DIAPH2: variants seen among roughly 807,000 people sequenced by gnomAD.
DIAPH2 encodes protein diaphanous homolog 2.
Under a neutral mutation model 92.7 loss-of-function variants are expected in DIAPH2, and 35 were observed. The ratio of observed to expected loss-of-function variants is 0.38; its 90% CI spans 0.29 to 0.50. DIAPH2 has a LOEUF of 0.50. DIAPH2 is among the 20% of genes least tolerant of loss of function. The pLI, the probability that DIAPH2 is intolerant of heterozygous loss-of-function variation, is 0.94. For synonymous variants in DIAPH2, 301 were observed against 280.4 expected, an observed-to-expected ratio of 1.07 and a Z score of -0.73; for missense variants, 701 against 819.5, an observed-to-expected ratio of 0.86 and a Z score of 1.77.
chrX:97,598,033 G>A (rs773384302), intron 26 of DIAPH2, among the ~76,000 whole-genome samples: 18 of 111,288 alleles, frequency 1.6e-4, no homozygotes, highest in Admixed American at 1.5e-3. Context: ...GCTGACCACA[G>A]ACTACCGGGA....
intron 22 of DIAPH2, among the ~76,000 whole-genome samples, chrX:97,165,160 A>G (rs1026298481): frequency 7.2e-5 from 8 of 111,652 alleles, no homozygotes; most frequent in Non-Finnish European, 1.3e-4. Context: ...TAGACTTAAT[A>G]TGCTAGGAAA....
chrX:97,285,030 G>C lies in DIAPH2; in HGVS notation c.2844+37191G>C, dbSNP rs776774228. On this transcript the variant is annotated intron_variant, in intron 23 of 26. Coordinates refer to ENST00000324765, the MANE Select transcript of DIAPH2 (RefSeq NM_006729.5). ...GCAGAAGTCATTAACCTAGCTGCAA[G>C]ATTACTTCTTTATAAAACAATGAAA... Among the ~76,000 whole-genome samples the C allele has an allele frequency of 1.3e-4, 14 of 111,556 alleles. No homozygotes were observed. In the East Asian group the frequency reaches 3.7e-3, roughly 29 times the overall value.
chrX:96,843,484 A>G (rs750689513), intron 4 of DIAPH2, among the ~76,000 whole-genome samples: 7 of 111,421 alleles, frequency 6.3e-5, no homozygotes, highest in Admixed American at 1.9e-4. Context: ...GAATTATAGG[A>G]CCTTTTCTTG....
chrX:97,292,987 A>C (rs1345449902), intron 23 of DIAPH2, among the ~76,000 whole-genome samples: 1 of 111,002 alleles, frequency 9.0e-6, no homozygotes, highest in Non-Finnish European at 1.9e-5. Context: ...CAAGCTTATT[A>C]AAGCCAGAAT....
intron 22 of DIAPH2, among the ~76,000 whole-genome samples, chrX:97,169,354 G>C (rs1213331156): frequency 9.0e-6 from 1 of 111,623 alleles, no homozygotes; most frequent in African/African-American, 3.3e-5. Flanking sequence ...TTTACTTTGA[G>C]ATGGTAAGGC....
At chrX:96,898,238 C>A (rs1355689664) in intron 5 of DIAPH2, among the ~76,000 whole-genome samples, 1 of 99,351 alleles carries the variant, frequency 1.0e-5, no homozygotes, top group African/African-American at 3.6e-5. Context: ...TGGGTATATA[C>A]CCAGTAATGG....
intron 19 of DIAPH2, among the ~76,000 whole-genome samples, chrX:97,080,266 C>A (rs924472043): frequency 3.7e-5 from 4 of 107,115 alleles, no homozygotes; most frequent in African/African-American, 1.4e-4. Context: ...TCCCTTCCTC[C>A]TCTCCTCCCT....
chrX:96,976,032 C>T (rs1401238989), intron 17 of DIAPH2, among the ~76,000 whole-genome samples: 1 of 91,472 alleles, frequency 1.1e-5, no homozygotes, highest in African/African-American at 4.0e-5. Flanking sequence ...TCCCTTCCTT[C>T]CTTCTTTTCC....
intron 20 of DIAPH2, among the ~76,000 whole-genome samples, chrX:97,110,504 A>G (rs1226125296): frequency 8.9e-6 from 1 of 111,933 alleles, no homozygotes; most frequent in Non-Finnish European, 1.9e-5. Context: ...AGCTTGAAGT[A>G]CATAAAATTA....
intron 1 of DIAPH2, among the ~76,000 whole-genome samples, chrX:96,713,588 T>C (rs1489307698): frequency 8.9e-6 from 1 of 112,043 alleles, no homozygotes; most frequent in Non-Finnish European, 1.9e-5. Flanking sequence ...ACCATTATAG[T>C]AGAACATACA....
At chrX:96,932,596 C>A (rs2065626440) in intron 10 of DIAPH2, among the ~76,000 whole-genome samples, 1 of 110,277 alleles carries the variant, frequency 9.1e-6, no homozygotes, top group Non-Finnish European at 1.9e-5. Context: ...TTTGTGGTAC[C>A]ATGTGCTTCT....
rs755325108 is a variant in DIAPH2 at position 97,259,258 on chromosome X, C to T, written c.2844+11419C>T. ...AGGAGAATCACTTGAACCCAGGAGG[C>T]GGAGGTTGCAGTGAGCCAAGATCCT... On this transcript the variant is annotated intron_variant, in intron 23 of 26. Transcript: ENST00000324765. Among the ~76,000 whole-genome samples, 31 of 109,475 alleles carry T rather than the reference C, an allele frequency of 2.8e-4. No homozygotes were observed. The East Asian group carries it at 8.7e-3, about 31-fold the overall frequency.
chrX:96,711,968 C>A (rs1424623772), intron 1 of DIAPH2, among the ~76,000 whole-genome samples: 1 of 111,399 alleles, frequency 9.0e-6, no homozygotes, highest in Non-Finnish European at 1.9e-5. Context: ...ATATCCTTGG[C>A]AAACTAAAGT....
intron 25 of DIAPH2, among the ~76,000 whole-genome samples, chrX:97,390,773 CTGTA>C (rs756651744): frequency 1.1e-4 from 12 of 111,842 alleles, no homozygotes; most frequent in African/African-American, 3.9e-4. Context: ...GTTTCATAGT[CTGTA>C]TGTATTTTCA....
chrX:97,276,965 A>T (rs1478404230), intron 23 of DIAPH2, among the ~76,000 whole-genome samples: 1 of 112,487 alleles, frequency 8.9e-6, no homozygotes, highest in African/African-American at 3.2e-5. Flanking sequence ...GATCATCTAG[A>T]ACTGTTTCTG....
At chrX:97,291,761 C>T (rs919295384) in intron 23 of DIAPH2, among the ~76,000 whole-genome samples, 5 of 111,011 alleles carry the variant, frequency 4.5e-5, no homozygotes, top group African/African-American at 1.3e-4. Flanking sequence ...TGGTCTCGAA[C>T]GCATGACCTC....
chrX:97,521,276 A>G (rs1281421289), intron 26 of DIAPH2, among the ~76,000 whole-genome samples: 1 of 112,215 alleles, frequency 8.9e-6, no homozygotes, highest in South Asian at 3.7e-4. Flanking sequence ...TACCCAGTCT[A>G]TGGTATTTTG....
intron 25 of DIAPH2, among the ~76,000 whole-genome samples, chrX:97,423,271 C>T (rs1407920739): frequency 9.0e-6 from 1 of 111,621 alleles, no homozygotes; most frequent in African/African-American, 3.3e-5. Flanking sequence ...TCTGTAAAAA[C>T]ATCCTTGAAA....
At chrX:96,987,412 A>G (rs1481584866) in intron 17 of DIAPH2, among the ~76,000 whole-genome samples, 1 of 111,070 alleles carries the variant, frequency 9.0e-6, no homozygotes, top group African/African-American at 3.3e-5. Flanking sequence ...AATGGTTATT[A>G]CTCCATTAGA....
Sources: allele counts gnomAD v4.1 joint callset (sites outside exome capture counted in the v4.1 genomes callset), GRCh38; gene constraint gnomAD v4.1.1; transcripts MANE v1.5; gene names NCBI Gene and HGNC (gene_info 2026-07-23, HGNC 2026-07-21).